SORCS1: variants seen among roughly 807,000 people sequenced by gnomAD.
SORCS1 encodes sortilin related VPS10 domain containing receptor 1.
In SORCS1, 60 loss-of-function variants were observed where a neutral mutation model predicts 146.1. The observed-to-expected ratio is 0.41, with a 90% CI of 0.33 to 0.51. SORCS1 has a LOEUF of 0.51. Ranked by LOEUF, SORCS1 falls within the 20% of genes least tolerant of loss-of-function variation. The pLI, the probability that SORCS1 is intolerant of heterozygous loss-of-function variation, is 0.21. For synonymous variants in SORCS1, 637 were observed against 584.0 expected (o/e 1.09, Z -1.31); for missense variants, 1,352 against 1,487.6 (o/e 0.91, Z 1.50).
chr10:106,803,950 C>T (rs59686228), intron 3 of SORCS1, among the ~76,000 whole-genome samples: 4,492 of 152,204 alleles, frequency 0.03, 214 homozygotes, highest in African/African-American at 0.1. Flanking sequence ...GACACACGAC[C>T]ATTTAACAAT....
intron 1 of SORCS1, among the ~76,000 whole-genome samples, chr10:107,050,162 G>A (rs1262515202): frequency 6.6e-6 from 1 of 152,154 alleles, no homozygotes; most frequent in Non-Finnish European, 1.5e-5. Flanking sequence ...AGATATATTT[G>A]TTAGTTGTAT....
chr10:106,863,077 C>CAAACAAACAAAACAG (rs1261373121), intron 2 of SORCS1, among the ~76,000 whole-genome samples: 1 of 146,646 alleles, frequency 6.8e-6, no homozygotes, highest in Non-Finnish European at 1.5e-5. Context: ...TCCCCCCAAA[C>CAAACAAACAAAACAG]AAACAAACAA....
intron 16 of SORCS1, among the ~76,000 whole-genome samples, chr10:106,670,066 A>AT (rs765424906): frequency 4.9e-4 from 75 of 152,362 alleles, no homozygotes; most frequent in Non-Finnish European, 7.5e-4. Context: ...TCAAGTATTA[A>AT]TTTTTTAACA....
chr10:106,755,910 C>G (rs572903080), intron 5 of SORCS1, among the ~76,000 whole-genome samples: 192 of 152,218 alleles, frequency 1.3e-3, no homozygotes, highest in African/African-American at 4.4e-3. Flanking sequence ...AGGCGGATTG[C>G]CTGAGCTCAG....
chr10:106,705,732 T>C (rs1854469181), intron 8 of SORCS1, among the ~76,000 whole-genome samples: 1 of 152,170 alleles, frequency 6.6e-6, no homozygotes, highest in African/African-American at 2.4e-5. Flanking sequence ...AATACACAGC[T>C]CTGAGCTCCC....
chr10:107,112,112 T>C (rs554443477), intron 1 of SORCS1, among the ~76,000 whole-genome samples: 12 of 152,180 alleles, frequency 7.9e-5, no homozygotes, highest in African/African-American at 2.6e-4. Context: ...CCTAATATTA[T>C]AATGGTGGCT....
Position 106,589,400 on chromosome 10 carries a change from C to A in SORCS1, c.3265+7951G>T, listed in dbSNP as rs531597260. Among the ~76,000 whole-genome samples the A allele has an allele frequency of 5.3e-5, 8 of 152,246 alleles. No homozygotes were observed. The South Asian group carries it at 1.7e-3, about 32-fold the overall frequency. On this transcript the variant is annotated intron_variant, in intron 24 of 25. Transcript: ENST00000263054. Reference sequence around the variant, plus strand: ...TCCTTCTCCCCACCAAATATAAGGACTAAATTTACTCATGACCAAGGGTTC... The same window carrying A: ...TCCTTCTCCCCACCAAATATAAGGAATAAATTTACTCATGACCAAGGGTTC...
chr10:106,838,208 C>T (rs915980447), intron 2 of SORCS1, among the ~76,000 whole-genome samples: 5 of 152,160 alleles, frequency 3.3e-5, no homozygotes, highest in African/African-American at 1.2e-4. Flanking sequence ...ATAAAATCAG[C>T]CGTGTGGAAA....
At chr10:107,132,895 T>G (rs956406376) in intron 1 of SORCS1, among the ~76,000 whole-genome samples, 3 of 152,168 alleles carry the variant, frequency 2.0e-5, no homozygotes, top group Non-Finnish European at 4.4e-5. Flanking sequence ...TACAACTAAC[T>G]CAACATACAC....
chr10:106,623,072 T>A (rs1352475295), intron 19 of SORCS1, among the ~76,000 whole-genome samples: 1 of 152,190 alleles, frequency 6.6e-6, no homozygotes, highest in South Asian at 2.1e-4. Context: ...ACCTTTCTTA[T>A]GGCACCTGTC....
At chr10:106,978,286 G>A (rs535651322) in intron 1 of SORCS1, among the ~76,000 whole-genome samples, 2 of 152,278 alleles carry the variant, frequency 1.3e-5, no homozygotes, top group African/African-American at 4.8e-5. Flanking sequence ...AGATCAGAAT[G>A]ATGTTAGAAA....
chr10:107,061,310 G>A (rs1027141145), intron 1 of SORCS1, among the ~76,000 whole-genome samples: 29 of 152,106 alleles, frequency 1.9e-4, no homozygotes, highest in African/African-American at 7.0e-4. Flanking sequence ...GCAAACATTA[G>A]TATGGTATCA....
At chr10:106,645,312 G>C (rs1589552774) in intron 18 of SORCS1, among the ~76,000 whole-genome samples, 1 of 152,172 alleles carries the variant, frequency 6.6e-6, no homozygotes, top group South Asian at 2.1e-4. Flanking sequence ...GGGACTACGG[G>C]CACGTGCCAC....
At chr10:106,868,113 C>T (rs1477970388) in intron 2 of SORCS1, among the ~76,000 whole-genome samples, 1 of 152,190 alleles carries the variant, frequency 6.6e-6, no homozygotes, top group Non-Finnish European at 1.5e-5. Context: ...AAGGGCATTA[C>T]ATCATAGTAA....
chr10:106,796,229 T>C (rs1466033025), intron 3 of SORCS1, among the ~76,000 whole-genome samples: 1 of 152,212 alleles, frequency 6.6e-6, no homozygotes, highest in Non-Finnish European at 1.5e-5. Context: ...GAAGAATTTC[T>C]ACATTTACAT....
Position 106,730,062 on chromosome 10 carries a change from T to C in SORCS1, c.1012A>G (p.Thr338Ala), listed in dbSNP as rs371784199. Residue 338 changes from threonine (T) to alanine (A), a missense_variant, in exon 6 of 26, where the codon ACT (threonine) becomes GCT (alanine). Physicochemically the swap from Thr to Ala is moderately conservative, Grantham distance 58 (BLOSUM62 0). This residue lies in a region of SORCS1 where 490 missense variants were observed against 489.1 expected (regional missense o/e 1.00). Transcript: ENST00000263054. ...EPDLVHLEAR[T>A]VDGHSHYLTC... Reference sequence around the variant, plus strand: ...TTGATTTACTTACGACCATCCACAGTTCTGGCCTCAAGATGCACAAGGTCT... The same window carrying C: ...TTGATTTACTTACGACCATCCACAGCTCTGGCCTCAAGATGCACAAGGTCT... The C allele has an allele frequency of 1.9e-5, 31 of 1,614,006 alleles. No homozygotes were observed. Among genetic ancestry groups the C allele is most frequent in the Non-Finnish European group, 2.4e-5 (28 of 1,180,006 alleles).
At chr10:107,086,920 T>C (rs889568227) in intron 1 of SORCS1, among the ~76,000 whole-genome samples, 1 of 152,142 alleles carries the variant, frequency 6.6e-6, no homozygotes, top group Non-Finnish European at 1.5e-5. Context: ...TCCCAGCTAC[T>C]CGGGAGGCTG....
Position 107,164,320 on chromosome 10 carries a change from G to C in SORCS1, c.207C>G (p.Pro69=). 1 of 1,558,898 alleles carries C rather than the reference G, an allele frequency of 6.4e-7. No homozygotes were observed. Among genetic ancestry groups the C allele is most frequent in the Non-Finnish European group, 8.7e-7 (1 of 1,155,780 alleles). Residue 69 remains proline (P), a synonymous_variant, in exon 1 of 26, where the codon CCC becomes CCG. Coordinates refer to ENST00000263054, the MANE Select transcript of SORCS1 (RefSeq NM_052918.5). The surrounding 1 kb of genome is among the most constrained non-coding windows in gnomAD (Gnocchi z 6.8). ...ACAGGGGACGCACTACGAGGGGCAG[G>C]GGCGTGGCAGGAGCCCTGCCTGGCC... ...QGRPGRAPAT[P]LPLVVRPLFS...
intron 1 of SORCS1, among the ~76,000 whole-genome samples, chr10:107,157,202 C>A (rs890037096): frequency 6.6e-6 from 1 of 152,044 alleles, no homozygotes; most frequent in Admixed American, 6.6e-5. Context: ...GGGCTTCAGA[C>A]AAACTACAAG....
Sources: gnomAD v4.1 joint callset for allele counts (sites outside exome capture counted in the v4.1 genomes callset) on GRCh38, gnomAD v4.1.1 for gene constraint, gnomAD v4.1.1 regional missense constraint, Gnocchi (gnomAD v3.1) non-coding constraint, MANE v1.5 for transcripts, NCBI Gene and HGNC (gene_info 2026-07-23, HGNC 2026-07-21) for gene names.